DPP6: variants seen among roughly 807,000 people sequenced by gnomAD.
The protein encoded by DPP6 is A-type potassium channel modulatory protein DPP6.
Under a neutral mutation model 122.6 loss-of-function variants are expected in DPP6, and 69 were observed. The observed-to-expected ratio is 0.56, with a 90% CI of 0.46 to 0.69. DPP6 has a LOEUF of 0.69. Ranked by LOEUF, DPP6 falls within the 30% of genes least tolerant of loss-of-function variation. The pLI is 0.00. For missense variants in DPP6, 928 were observed against 1,116.9 expected, an observed-to-expected ratio of 0.83 and a Z score of 2.41; for synonymous variants, 418 against 433.1, an observed-to-expected ratio of 0.97 and a Z score of 0.43.
At chr7:154,227,273 C>G (rs920203613) in intron 1 of DPP6, among the ~76,000 whole-genome samples, 2 of 112,620 alleles carry the variant, frequency 1.8e-5, no homozygotes, top group African/African-American at 6.5e-5. Context: ...AAGGAAATTC[C>G]GCCATATGCT....
chr7:153,822,406 GT>G, the DPP6 span, among the ~76,000 whole-genome samples: 1 of 152,058 alleles, frequency 6.6e-6, no homozygotes, highest in South Asian at 2.1e-4. Context: ...AACCAGACTA[GT>G]CTCGAACTCC....
At chr7:154,469,399 T>A (rs1822065997) in intron 2 of DPP6, among the ~76,000 whole-genome samples, 1 of 152,184 alleles carries the variant, frequency 6.6e-6, no homozygotes, top group Admixed American at 6.5e-5. Context: ...AATCTCACTT[T>A]TGTAAAGAGA....
intron 1 of DPP6, among the ~76,000 whole-genome samples, chr7:154,054,870 G>A (rs1800680892): frequency 6.6e-6 from 1 of 150,948 alleles, no homozygotes; most frequent in South Asian, 2.1e-4. Context: ...TAGGAGAAAG[G>A]AAAGGCAAGA....
intron 16 of DPP6, among the ~76,000 whole-genome samples, chr7:154,850,755 C>T (rs1193683459): frequency 6.6e-6 from 1 of 152,196 alleles, no homozygotes; most frequent in African/African-American, 2.4e-5. Flanking sequence ...ATAGTAGTCG[C>T]TTAAGATCCT....
At chr7:154,600,217 T>C (rs1027838803) in intron 5 of DPP6, among the ~76,000 whole-genome samples, 4 of 147,008 alleles carry the variant, frequency 2.7e-5, no homozygotes, top group Admixed American at 7.0e-5. Context: ...AACCTCTGCC[T>C]CCTGGGTTCA....
At chr7:153,780,749 G>A in the DPP6 span, among the ~76,000 whole-genome samples, 16 of 152,100 alleles carry the variant, frequency 1.1e-4, no homozygotes, top group African/African-American at 3.4e-4. Flanking sequence ...GATCTGGATT[G>A]GGAGTTAGTC....
chr7:154,750,451 A>G (rs1300737582), intron 8 of DPP6, among the ~76,000 whole-genome samples: 2 of 152,226 alleles, frequency 1.3e-5, no homozygotes, highest in East Asian at 1.9e-4. Context: ...TGCGGAAAAC[A>G]GGGAAGGCAG....
chr7:154,419,233 G>T (rs945700808), intron 1 of DPP6, among the ~76,000 whole-genome samples: 8 of 152,170 alleles, frequency 5.3e-5, no homozygotes, highest in African/African-American at 1.2e-4. Flanking sequence ...ACGCTGGAAG[G>T]TTACCTTCTT....
At chr7:154,883,358 A>G (rs923907272) in intron 21 of DPP6, among the ~76,000 whole-genome samples, 1 of 146,982 alleles carries the variant, frequency 6.8e-6, no homozygotes. Flanking sequence ...ATACACACAC[A>G]TGCTCACACA....
chr7:153,997,401 C>A (rs1487952835), intron 1 of DPP6, among the ~76,000 whole-genome samples: 1 of 152,014 alleles, frequency 6.6e-6, no homozygotes, highest in African/African-American at 2.4e-5. Context: ...AGTCTTCAGC[C>A]ACATCTTGTT....
intron 2 of DPP6, among the ~76,000 whole-genome samples, chr7:154,455,024 G>A (rs1440835178): frequency 1.3e-5 from 2 of 152,142 alleles, no homozygotes; most frequent in Non-Finnish European, 2.9e-5. Flanking sequence ...GTCCAAGGCA[G>A]ATTCAGTGCT....
Position 154,763,341 on chromosome 7 carries a change from A to T in DPP6, c.884-6076A>T, listed in dbSNP as rs533049367. On this transcript the variant is annotated intron_variant, in intron 8 of 25. Coordinates refer to ENST00000377770, the MANE Select transcript of DPP6 (RefSeq NM_130797.4). ...ATCGAGACTCCATCTCAAAAAAAGG[A>T]AGGAAGGAAGGAAGGAGAGAGAGAG... is the stretch of plus-strand genomic sequence containing the variant. Among the ~76,000 whole-genome samples, 28 of 127,640 alleles carry T rather than the reference A, an allele frequency of 2.2e-4. No homozygotes were observed. In the East Asian group the frequency reaches 5.7e-3, roughly 26 times the overall value. The allele number at this position is 127,640 out of a possible 152,430, so 83.7% of individuals were successfully genotyped here. A position where few individuals can be genotyped will look rare whatever the true frequency, so the allele number is the denominator to read the frequency against.
At chr7:154,459,145 AAAAG>A (rs1214279468) in intron 2 of DPP6, among the ~76,000 whole-genome samples, 8 of 120,384 alleles carry the variant, frequency 6.6e-5, no homozygotes, top group East Asian at 3.1e-4. Flanking sequence ...CAGATTAAAA[AAAAG>A]AAGCCAATGA....
chr7:154,267,115 CCTT>C (rs755580006), intron 1 of DPP6, among the ~76,000 whole-genome samples: 7 of 151,862 alleles, frequency 4.6e-5, no homozygotes, highest in Non-Finnish European at 8.8e-5. Flanking sequence ...CTATTGTTTT[CCTT>C]CTTCTATTAA....
At chr7:154,076,881 C>T (rs532925616) in intron 1 of DPP6, among the ~76,000 whole-genome samples, 5 of 151,298 alleles carry the variant, frequency 3.3e-5, no homozygotes, top group East Asian at 2.0e-4. Context: ...AAACAGAAAC[C>T]GAAATAGGTC....
At chr7:154,590,684 G>A (rs1298123869) in intron 5 of DPP6, among the ~76,000 whole-genome samples, 6 of 150,170 alleles carry the variant, frequency 4.0e-5, no homozygotes, top group Non-Finnish European at 8.9e-5. Flanking sequence ...ACAGGCATGT[G>A]CCACCACACC....
intron 1 of DPP6, among the ~76,000 whole-genome samples, chr7:154,163,908 C>T (rs1312212205): frequency 1.3e-5 from 2 of 152,150 alleles, no homozygotes; most frequent in Admixed American, 1.3e-4. Flanking sequence ...TCCTCAGAGA[C>T]AAGAGTCTCA....
chr7:154,571,365 T>C (rs1470434226), intron 5 of DPP6, among the ~76,000 whole-genome samples: 1 of 152,144 alleles, frequency 6.6e-6, no homozygotes, highest in African/African-American at 2.4e-5. Context: ...CCTACTAAAC[T>C]ATTTTAATAT....
At chr7:154,630,433 G>T (rs1333578284) in intron 5 of DPP6, among the ~76,000 whole-genome samples, 1 of 152,226 alleles carries the variant, frequency 6.6e-6, no homozygotes, top group Non-Finnish European at 1.5e-5. Context: ...GGACAGTAAG[G>T]AAAATAAGCA....
Sources: gnomAD v4.1 joint callset for allele counts (sites outside exome capture counted in the v4.1 genomes callset) on GRCh38, gnomAD v4.1.1 for gene constraint, MANE v1.5 for transcripts, NCBI Gene and HGNC (gene_info 2026-07-23, HGNC 2026-07-21) for gene names.